Variants in PCDHA8 observed in about 807,000 individuals in gnomAD.
PCDHA8 encodes protocadherin alpha 8.
A neutral mutation model predicts 61.8 loss-of-function variants in PCDHA8; 53 were observed. The observed-to-expected ratio is 0.86, with a 90% CI of 0.69 to 1.08. The LOEUF (loss-of-function observed/expected upper bound fraction) is 1.08, where lower values mean the gene tolerates loss of function less well. Among genes scored for constraint, PCDHA8 ranks in the 50% least tolerant of loss-of-function variants. PCDHA8 has a pLI of 0.00. For missense variants in PCDHA8, 1,293 were observed against 1,245.0 expected (o/e 1.04, Z -0.58); for synonymous variants, 618 against 556.6 (o/e 1.11, Z -1.55).
At chr5:140,863,034 A>G (rs782534693) in intron 1 of PCDHA8, 1 of 557,696 alleles carries the variant, frequency 1.8e-6, no homozygotes, top group African/African-American at 1.9e-5. Context: ...CAACAGCTGC[A>G]TCTGTCAGCT....
chr5:140,849,079 T>C (rs1554142746), intron 1 of PCDHA8: 1 of 1,521,712 alleles, frequency 6.6e-7, no homozygotes, highest in African/African-American at 1.5e-5. Flanking sequence ...CTTGGACTTG[T>C]ATTACGGAAA....
intron 3 of PCDHA8, among the ~76,000 whole-genome samples, chr5:141,005,573 G>A (rs947306752): frequency 4.0e-5 from 6 of 151,140 alleles, no homozygotes; most frequent in Admixed American, 1.3e-4. Context: ...ATGGTGGCGC[G>A]TGCCTGTAGT....
chr5:140,946,765 T>C (rs1255265012), intron 1 of PCDHA8, among the ~76,000 whole-genome samples: 2 of 151,428 alleles, frequency 1.3e-5, no homozygotes, highest in African/African-American at 4.9e-5. Flanking sequence ...ATCTCATTCA[T>C]GTGGAATGTA....
At chr5:140,887,704 C>A (rs1554183178) in intron 1 of PCDHA8, among the ~76,000 whole-genome samples, 1 of 152,104 alleles carries the variant, frequency 6.6e-6, no homozygotes, top group East Asian at 1.9e-4. Context: ...ATCAACCATA[C>A]TTCTTCTAAT....
intron 1 of PCDHA8, chr5:140,883,813 C>CA (rs2059834466): frequency 6.2e-7 from 1 of 1,612,382 alleles, no homozygotes; most frequent in Non-Finnish European, 8.5e-7. Context: ...CGGAGAGCGG[C>CA]AAGGTGTACG....
intron 1 of PCDHA8, among the ~76,000 whole-genome samples, chr5:140,952,726 A>C (rs2094788337): frequency 6.6e-6 from 1 of 152,188 alleles, no homozygotes; most frequent in African/African-American, 2.4e-5. Context: ...TTTCTGTACT[A>C]GTCTTTTCTC....
chr5:140,926,954 A>T, intron 1 of PCDHA8: 1 of 1,597,602 alleles, frequency 6.3e-7, no homozygotes, highest in Non-Finnish European at 8.6e-7. Flanking sequence ...GCAGCGGGAC[A>T]GCTCGAGTAC....
chr5:140,926,780 G>A, intron 1 of PCDHA8: 2 of 1,397,714 alleles, frequency 1.4e-6, no homozygotes, highest in Non-Finnish European at 1.9e-6. Context: ...CAGCAGTGAC[G>A]GCCGGCAGGA....
intron 1 of PCDHA8, among the ~76,000 whole-genome samples, chr5:140,964,119 TAAC>T (rs146855097): frequency 0.014 from 2,059 of 152,320 alleles, 49 homozygotes; most frequent in African/African-American, 0.047. Context: ...AATCACATTC[TAAC>T]AACTAGTAAG....
rs782403008 is a variant in PCDHA8 at position 140,877,235 on chromosome 5, G to A, written c.2394+33520G>A. ...TTGGTACCGCGGTCGGTGGGTGCGGGCCACGTGGTGGCGAAAGTGCGCGCG... is the reference window on the plus strand; with the variant it reads ...TTGGTACCGCGGTCGGTGGGTGCGGACCACGTGGTGGCGAAAGTGCGCGCG... On this transcript the variant is annotated intron_variant, in intron 1 of 3. Transcript: ENST00000531613. 49 of 1,613,570 alleles carry A rather than the reference G, an allele frequency of 3.0e-5. No homozygotes were observed. In the South Asian group the frequency reaches 5.1e-4, roughly 17 times the overall value.
intron 1 of PCDHA8, among the ~76,000 whole-genome samples, chr5:140,950,128 A>T (rs1488144119): frequency 6.6e-6 from 1 of 151,920 alleles, no homozygotes; most frequent in Non-Finnish European, 1.5e-5. Flanking sequence ...AACCCACAAG[A>T]CACAGTTATA....
At chr5:140,955,716 A>G (rs2095221843) in intron 1 of PCDHA8, among the ~76,000 whole-genome samples, 1 of 152,220 alleles carries the variant, frequency 6.6e-6, no homozygotes, top group African/African-American at 2.4e-5. Flanking sequence ...TAATAGGAAT[A>G]CCATTGAATC....
chr5:140,922,765 A>T (rs1346337086), intron 1 of PCDHA8, among the ~76,000 whole-genome samples: 1 of 152,258 alleles, frequency 6.6e-6, no homozygotes, highest in Non-Finnish European at 1.5e-5. Flanking sequence ...TAAAGAATTT[A>T]AAAGAACTGG....
intron 1 of PCDHA8, among the ~76,000 whole-genome samples, chr5:140,962,883 T>C (rs570394633): frequency 5.6e-4 from 86 of 152,222 alleles, no homozygotes; most frequent in Non-Finnish European, 1.0e-3. Flanking sequence ...ATACATGAAT[T>C]AAAAAATGAA....
At chr5:140,915,204 C>T (rs2077022161) in intron 1 of PCDHA8, among the ~76,000 whole-genome samples, 1 of 152,236 alleles carries the variant, frequency 6.6e-6, no homozygotes, top group East Asian at 1.9e-4. Flanking sequence ...ATCTTGGCCT[C>T]CCAAAGTGCT....
intron 1 of PCDHA8, chr5:140,968,133 A>G (rs782213191): frequency 1.5e-5 from 24 of 1,614,022 alleles, no homozygotes; most frequent in Middle Eastern, 3.3e-4. Flanking sequence ...CGTACACTGA[A>G]GGTTGAGATC....
chr5:140,915,957 T>G (rs1476969057), intron 1 of PCDHA8, among the ~76,000 whole-genome samples: 4 of 151,934 alleles, frequency 2.6e-5, no homozygotes, highest in African/African-American at 4.8e-5. Flanking sequence ...TACTTAGAAA[T>G]TTGCCTGATA....
intron 1 of PCDHA8, chr5:140,883,598 G>A: frequency 6.2e-7 from 1 of 1,614,008 alleles, no homozygotes; most frequent in Middle Eastern, 1.7e-4. Context: ...CGTGTCGGTG[G>A]GGGTGGCCGA....
At position 140,876,665 on chromosome 5, in the gene PCDHA8, T is replaced by C. The variant is rs781830697; in HGVS notation, c.2394+32950T>C. 98 of 1,614,080 alleles carry C rather than the reference T, an allele frequency of 6.1e-5. 1 individual carries two copies. The South Asian group carries it at 9.4e-4, about 16-fold the overall frequency. ...ACACCTCATGTTCCCTTCAAGCTGG[T>C]GTCCACCTACAAGAATTACTACTCG... On this transcript the variant is annotated intron_variant, in intron 1 of 3. Coordinates refer to ENST00000531613, the MANE Select transcript of PCDHA8 (RefSeq NM_018911.3).
Sources: gnomAD v4.1 joint callset for allele counts (sites outside exome capture counted in the v4.1 genomes callset) on GRCh38, gnomAD v4.1.1 for gene constraint, MANE v1.5 for transcripts, NCBI Gene and HGNC (gene_info 2026-07-23, HGNC 2026-07-21) for gene names.